TGFBR3: variants seen among roughly 807,000 people sequenced by gnomAD.
The protein encoded by TGFBR3 is transforming growth factor beta receptor type 3.
In TGFBR3, 46 loss-of-function variants were observed where a neutral mutation model predicts 87.9. That is an observed-to-expected ratio of 0.52 (90% CI 0.41 to 0.67). TGFBR3 has a LOEUF of 0.67. TGFBR3 is among the 30% of genes least tolerant of loss of function. TGFBR3 has a pLI of 0.00. For synonymous variants in TGFBR3, 381 were observed against 391.6 expected, an observed-to-expected ratio of 0.97 and a Z score of 0.32; for missense variants, 866 against 1,041.9, an observed-to-expected ratio of 0.83 and a Z score of 2.32.
intron 3 of TGFBR3, among the ~76,000 whole-genome samples, chr1:91,782,415 C>A (rs532844522): frequency 1.3e-5 from 2 of 152,198 alleles, no homozygotes; most frequent in Non-Finnish European, 2.9e-5. Flanking sequence ...ATGTGCCCAA[C>A]ACGGAATCAT....
intron 2 of TGFBR3, among the ~76,000 whole-genome samples, chr1:91,819,739 C>T (rs1415692966): frequency 6.6e-6 from 1 of 152,180 alleles, no homozygotes; most frequent in Non-Finnish European, 1.5e-5. Flanking sequence ...TTTACCACCC[C>T]CTCCCTCCCC....
At chr1:91,726,540 A>AC (rs985475749) in intron 7 of TGFBR3, among the ~76,000 whole-genome samples, 5 of 148,324 alleles carry the variant, frequency 3.4e-5, no homozygotes, top group African/African-American at 9.9e-5. Flanking sequence ...AAAAAAAAAA[A>AC]CCCACGGGAA....
At chr1:91,757,523 G>A (rs1042290381) in intron 4 of TGFBR3, among the ~76,000 whole-genome samples, 2 of 152,126 alleles carry the variant, frequency 1.3e-5, no homozygotes, top group Admixed American at 6.6e-5. Flanking sequence ...TTTAGCATCT[G>A]TTGATAATTC....
At chr1:91,701,538 A>G (rs1671620314) in intron 14 of TGFBR3, among the ~76,000 whole-genome samples, 1 of 152,214 alleles carries the variant, frequency 6.6e-6, no homozygotes, top group African/African-American at 2.4e-5. Context: ...ACAAACTATA[A>G]TCAATGTTCT....
At chr1:91,703,090 A>T (rs1034812299) in intron 14 of TGFBR3, among the ~76,000 whole-genome samples, 5 of 152,148 alleles carry the variant, frequency 3.3e-5, no homozygotes, top group African/African-American at 1.2e-4. Flanking sequence ...GTTAAAAAAA[A>T]AAATATGATA....
chr1:91,703,531 T>C (rs535145378), intron 14 of TGFBR3, among the ~76,000 whole-genome samples: 26 of 152,368 alleles, frequency 1.7e-4, no homozygotes, highest in African/African-American at 6.0e-4. Context: ...AATTTTGGAA[T>C]GATATTTATT....
At chr1:91,724,362 A>G (rs764314827) in intron 7 of TGFBR3, among the ~76,000 whole-genome samples, 17 of 152,252 alleles carry the variant, frequency 1.1e-4, no homozygotes, top group Non-Finnish European at 1.9e-4. Flanking sequence ...TTTTAGAGCT[A>G]CATGTCATTT....
At chr1:91,860,529 C>T (rs1004234894) in intron 2 of TGFBR3, among the ~76,000 whole-genome samples, 2 of 152,176 alleles carry the variant, frequency 1.3e-5, no homozygotes, top group African/African-American at 2.4e-5. Flanking sequence ...AGTAACCCCT[C>T]ACAGTAAACA....
intron 1 of TGFBR3, among the ~76,000 whole-genome samples, chr1:91,868,412 A>G (rs992275594): frequency 5.3e-5 from 8 of 152,234 alleles, no homozygotes; most frequent in African/African-American, 1.2e-4. Context: ...TCACAAAAAA[A>G]TGATTCCAAA....
Position 91,812,137 on chromosome 1 carries a change from T to TTCC in TGFBR3, c.62-14669_62-14667dup, listed in dbSNP as rs550393049. ...GAAAATAAAATCCCTTGCATGCCAT[T>TTCC]TCCTCCAACAAAAAGGGCTTTGTCT... On this transcript the variant is annotated intron_variant, in intron 2 of 16. Coordinates refer to ENST00000212355, the MANE Select transcript of TGFBR3 (RefSeq NM_003243.5). 8.5e-5 allele frequency among the ~76,000 whole-genome samples: 13 copies of TTCC among 152,254 alleles called. 1 individual carries two copies. The East Asian group carries it at 2.5e-3, about 29-fold the overall frequency.
chr1:91,891,950 A>G (rs974809296), intron 2 of TGFBR3, among the ~76,000 whole-genome samples: 8 of 152,230 alleles, frequency 5.3e-5, no homozygotes, highest in African/African-American at 1.9e-4. Context: ...GGCAAATTTC[A>G]ATTAATGAGA....
At chr1:91,750,395 A>G (rs1262825776) in intron 4 of TGFBR3, among the ~76,000 whole-genome samples, 1 of 152,198 alleles carries the variant, frequency 6.6e-6, no homozygotes, top group African/African-American at 2.4e-5. Flanking sequence ...GAAGAGCTCA[A>G]TGGCCACAAT....
intron 2 of TGFBR3, among the ~76,000 whole-genome samples, chr1:91,844,588 C>T (rs981001496): frequency 2.0e-5 from 3 of 152,142 alleles, no homozygotes; most frequent in Admixed American, 6.5e-5. Flanking sequence ...TCTCTTTCTC[C>T]CTTTGAAATA....
In TGFBR3 at chr1:91,729,986, C is replaced by G. The variant is rs201684536; in HGVS notation, c.569-13G>C. ...GGGAACACTTGATCTGAAAGAGGCA[C>G]AGGACAATCTGTCAAACCACTGAGG... is the stretch of plus-strand genomic sequence containing the variant. On this transcript the variant is annotated splice_polypyrimidine_tract_variant and intron_variant, in intron 5 of 16. Coordinates refer to ENST00000212355, the MANE Select transcript of TGFBR3 (RefSeq NM_003243.5). The G allele has an allele frequency of 3.1e-6, 5 of 1,614,044 alleles. No individual in the cohort carries two copies. In the African/African-American group the frequency reaches 6.7e-5, roughly 22 times the overall value.
intron 16 of TGFBR3, among the ~76,000 whole-genome samples, chr1:91,694,235 C>T (rs1308890496): frequency 6.6e-6 from 1 of 152,194 alleles, no homozygotes; most frequent in Non-Finnish European, 1.5e-5. Context: ...TCAAGTGATC[C>T]TCCCGCCCCT....
chr1:91,763,393 C>G (rs959974442), intron 3 of TGFBR3, among the ~76,000 whole-genome samples: 1 of 152,172 alleles, frequency 6.6e-6, no homozygotes, highest in African/African-American at 2.4e-5. Context: ...GTGGGCTGTT[C>G]ATGAAGCAAT....
intron 7 of TGFBR3, among the ~76,000 whole-genome samples, chr1:91,723,688 G>A (rs1162706374): frequency 6.6e-6 from 1 of 152,136 alleles, no homozygotes; most frequent in African/African-American, 2.4e-5. Flanking sequence ...GCTAAATGCT[G>A]CAGAGGGGAC....
At chr1:91,790,716 GT>G (rs1675155512) in intron 3 of TGFBR3, among the ~76,000 whole-genome samples, 8 of 152,160 alleles carry the variant, frequency 5.3e-5, no homozygotes, top group Admixed American at 5.2e-4. Flanking sequence ...TGGGTTTTTT[GT>G]TTTTTCTGCA....
chr1:91,727,345 C>T (rs971461617), intron 7 of TGFBR3, among the ~76,000 whole-genome samples: 1 of 152,166 alleles, frequency 6.6e-6, no homozygotes, highest in African/African-American at 2.4e-5. Context: ...TTTACACTTA[C>T]TATTAGTGGA....
Sources: allele counts gnomAD v4.1 joint callset (sites outside exome capture counted in the v4.1 genomes callset), GRCh38; gene constraint gnomAD v4.1.1; transcripts MANE v1.5; gene names NCBI Gene and HGNC (gene_info 2026-07-23, HGNC 2026-07-21).